The following CNTN4 variants were observed in gnomAD, a reference collection of about 807,000 sequenced individuals.
CNTN4 encodes contactin 4.
In CNTN4, 77 loss-of-function variants were observed where a neutral mutation model predicts 122.5. The observed-to-expected ratio is 0.63, with a 90% CI of 0.52 to 0.76. The LOEUF is 0.76. Among genes scored for constraint, CNTN4 ranks in the 30% least tolerant of loss-of-function variants. The probability of loss-of-function intolerance (pLI) is 0.00; values close to 1 mark genes in which losing one functional copy is unlikely to be tolerated. For missense variants in CNTN4, 1,256 were observed against 1,259.1 expected, an observed-to-expected ratio of 1.00 and a Z score of 0.04; for synonymous variants, 512 against 447.0, an observed-to-expected ratio of 1.15 and a Z score of -1.83.
chr3:2,177,230 A>T (rs1236996554), intron 2 of CNTN4, among the ~76,000 whole-genome samples: 1 of 152,142 alleles, frequency 6.6e-6, no homozygotes, highest in Non-Finnish European at 1.5e-5. Context: ...AGAATATATG[A>T]CTTTATCACT....
intron 3 of CNTN4, among the ~76,000 whole-genome samples, chr3:2,460,668 GA>G (rs1249428917): frequency 1.3e-5 from 2 of 152,148 alleles, no homozygotes; most frequent in Non-Finnish European, 2.9e-5. Flanking sequence ...TGGGTAGACT[GA>G]ATGGCCTTTA....
At position 2,909,139 on chromosome 3, in the gene CNTN4, A is replaced by G. The variant is rs574983100; in HGVS notation, c.1207+6134A>G. On this transcript the variant is annotated intron_variant, in intron 12 of 24. Transcript: ENST00000418658. The stretch of plus-strand genomic sequence containing the variant: ...AACTGCCTCGTTGAGCCAGGTTACA[A>G]AATAATCAGATGTGCTGAGTGTGAT... Among the ~76,000 whole-genome samples, 87 of 152,298 alleles carry G rather than the reference A, an allele frequency of 5.7e-4. 2 individuals are homozygous for G. The South Asian group carries it at 0.018, about 31-fold the overall frequency.
At chr3:2,270,457 T>C (rs199756117) in intron 2 of CNTN4, among the ~76,000 whole-genome samples, 15 of 79,170 alleles carry the variant, frequency 1.9e-4, no homozygotes, top group Admixed American at 1.4e-3. Flanking sequence ...GCACAGAGGG[T>C]ATATATATAT....
intron 2 of CNTN4, among the ~76,000 whole-genome samples, chr3:2,214,994 C>G (rs2038776646): frequency 6.6e-6 from 1 of 152,136 alleles, no homozygotes; most frequent in Admixed American, 6.5e-5. Context: ...TCCATGTATT[C>G]ACAGCCTTTG....
intron 2 of CNTN4, among the ~76,000 whole-genome samples, chr3:2,299,699 A>G (rs1296991018): frequency 6.6e-6 from 1 of 152,180 alleles, no homozygotes; most frequent in African/African-American, 2.4e-5. Context: ...TACACAACAG[A>G]ATATTTCATG....
intron 7 of CNTN4, among the ~76,000 whole-genome samples, chr3:2,858,067 G>A (rs960791588): frequency 6.6e-6 from 1 of 152,158 alleles, no homozygotes; most frequent in South Asian, 2.1e-4. Flanking sequence ...AGAGGCTATG[G>A]CAAACTGGAG....
intron 2 of CNTN4, among the ~76,000 whole-genome samples, chr3:2,142,566 G>A (rs1228344476): frequency 1.3e-5 from 2 of 151,960 alleles, no homozygotes; most frequent in Non-Finnish European, 2.9e-5. Flanking sequence ...TGGTCTCGAC[G>A]TCCTGACTGC....
intron 2 of CNTN4, among the ~76,000 whole-genome samples, chr3:2,306,994 TA>T (rs1475045030): frequency 6.6e-6 from 1 of 152,230 alleles, no homozygotes; most frequent in Non-Finnish European, 1.5e-5. Flanking sequence ...TGAACTTGTT[TA>T]TTAAATCTAA....
intron 2 of CNTN4, among the ~76,000 whole-genome samples, chr3:2,328,208 A>G (rs1031384679): frequency 6.6e-6 from 1 of 152,086 alleles, no homozygotes; most frequent in South Asian, 2.1e-4. Context: ...GATCGAGACC[A>G]TCCTGGCTAA....
intron 2 of CNTN4, among the ~76,000 whole-genome samples, chr3:2,186,008 G>A (rs1457602334): frequency 2.6e-5 from 4 of 151,882 alleles, no homozygotes; most frequent in African/African-American, 9.7e-5. Context: ...GTATACATGA[G>A]CCATGTTGCT....
At chr3:2,753,809 A>G (rs546519857) in intron 6 of CNTN4, among the ~76,000 whole-genome samples, 1 of 152,314 alleles carries the variant, frequency 6.6e-6, no homozygotes, top group Admixed American at 6.5e-5. Flanking sequence ...AGTTGTAGGT[A>G]TTCTTGATGC....
intron 3 of CNTN4, among the ~76,000 whole-genome samples, chr3:2,450,317 A>C (rs905352756): frequency 1.3e-5 from 2 of 152,040 alleles, no homozygotes; most frequent in African/African-American, 2.4e-5. Flanking sequence ...CAGTGAGCTG[A>C]GATCACACCA....
At chr3:2,588,337 C>CTTA (rs2080301124) in intron 4 of CNTN4, among the ~76,000 whole-genome samples, 1 of 151,978 alleles carries the variant, frequency 6.6e-6, no homozygotes, top group African/African-American at 2.4e-5. Context: ...AGAGGAGTGA[C>CTTA]TTATTCTTAA....
At chr3:2,100,021 G>T (rs1219665746) in intron 1 of CNTN4, among the ~76,000 whole-genome samples, 3 of 152,238 alleles carry the variant, frequency 2.0e-5, no homozygotes, top group Non-Finnish European at 4.4e-5. Context: ...GGCTTCGCGC[G>T]TCGGGAAGAT....
intron 2 of CNTN4, among the ~76,000 whole-genome samples, chr3:2,315,825 T>C (rs568484145): frequency 2.5e-4 from 38 of 152,208 alleles, no homozygotes; most frequent in Admixed American, 1.3e-3. Flanking sequence ...ATATAAAACT[T>C]TTAAAAATTT....
chr3:2,882,554 G>A (rs1036183321), intron 8 of CNTN4, among the ~76,000 whole-genome samples: 1 of 152,064 alleles, frequency 6.6e-6, no homozygotes, highest in East Asian at 1.9e-4. Context: ...TAACTTAAAT[G>A]TTTTCTGTAG....
At chr3:2,879,654 A>G (rs2093884711) in intron 8 of CNTN4, among the ~76,000 whole-genome samples, 1 of 152,142 alleles carries the variant, frequency 6.6e-6, no homozygotes, top group South Asian at 2.1e-4. Flanking sequence ...AAATGTACAG[A>G]GACAGAAAGC....
At chr3:2,399,690 G>A (rs2046771011) in intron 3 of CNTN4, among the ~76,000 whole-genome samples, 1 of 151,950 alleles carries the variant, frequency 6.6e-6, no homozygotes, top group African/African-American at 2.4e-5. Context: ...CTATGTTCGA[G>A]TATGATATGA....
chr3:2,680,727 G>A (rs1376518781), intron 4 of CNTN4, among the ~76,000 whole-genome samples: 2 of 152,128 alleles, frequency 1.3e-5, no homozygotes, highest in Non-Finnish European at 2.9e-5. Context: ...GACATGGATA[G>A]GTGCTTGGAT....
Sources: allele counts gnomAD v4.1 joint callset (sites outside exome capture counted in the v4.1 genomes callset), GRCh38; gene constraint gnomAD v4.1.1; transcripts MANE v1.5; gene names NCBI Gene and HGNC (gene_info 2026-07-23, HGNC 2026-07-21).